SPATA4: variants seen among roughly 807,000 people sequenced by gnomAD.
SPATA4 encodes spermatogenesis-associated protein 4.
In SPATA4, 35 loss-of-function variants were observed where a neutral mutation model predicts 31.8. The observed-to-expected ratio is 1.10, with a 90% CI of 0.84 to 1.46. The LOEUF (loss-of-function observed/expected upper bound fraction) is 1.46. Ranked by LOEUF, SPATA4 falls within the 40% of genes most tolerant of loss-of-function variation. The pLI is 0.00. For synonymous variants in SPATA4, 126 were observed against 132.4 expected, an observed-to-expected ratio of 0.95 and a Z score of 0.33; for missense variants, 394 against 363.1, an observed-to-expected ratio of 1.09 and a Z score of -0.69.
At position 176,192,860 on chromosome 4, in the gene SPATA4, A is replaced by G; in HGVS notation, c.468-13T>C. ...GATACTTTTAATTCTGGAAATAAAAAATAAAATACTGTTGACAAGCAACAT... is the reference window on the plus strand; with the variant it reads ...GATACTTTTAATTCTGGAAATAAAAGATAAAATACTGTTGACAAGCAACAT... On this transcript the variant is annotated splice_polypyrimidine_tract_variant and intron_variant, in intron 3 of 5. Coordinates refer to ENST00000280191, the MANE Select transcript of SPATA4 (RefSeq NM_144644.4). The G allele has an allele frequency of 1.2e-6, 2 of 1,607,358 alleles. No homozygotes were observed.
chr4:176,194,375 C>T (rs1561241162), intron 1 of SPATA4: 2 of 85,734 alleles, frequency 2.3e-5, no homozygotes, highest in Admixed American at 1.2e-4. Context: ...AACTTTCAGC[C>T]ACAGTGTGTG....
In SPATA4 at chr4:176,195,532, A is replaced by G. The variant is rs773282697; in HGVS notation, c.31T>C (p.Leu11=). 4.0e-5 allele frequency: 64 copies of G among 1,614,092 alleles called. 1 individual carries two copies. The South Asian group carries it at 6.7e-4, about 17-fold the overall frequency. The change falls in exon 1 of 6, where the codon TTG becomes CTG. Residue 11 remains leucine, a synonymous_variant. Coordinates refer to ENST00000280191, the MANE Select transcript of SPATA4 (RefSeq NM_144644.4). ...TCTAGGGCTGCCGCAGTCTGTGTCA[A>G]ATACCCTTTTTCCTGGCCGGCGGCA... The part of the protein sequence containing the change: MAAAGQEKGY[L]TQTAAALDKS...
intron 4 of SPATA4, among the ~76,000 whole-genome samples, chr4:176,191,297 T>C (rs1056118355): frequency 1.3e-5 from 2 of 152,138 alleles, no homozygotes; most frequent in African/African-American, 2.4e-5. Flanking sequence ...GATTTCACCA[T>C]GTTGGTCAGG....
In SPATA4 at chr4:176,192,786, G is replaced by A. The variant is rs768255483; in HGVS notation, c.529C>T (p.Pro177Ser). ...GAAACTGTAGACCTGGAAACCAGGG[G>A]TAAACGCATCTGGTAGCTATAGTCC... ...FTDYSYQMRL[P>S]LVSRSTVSKS... The change falls in exon 4 of 6, where the codon CCC (proline) becomes TCC (serine). Residue 177 changes from proline (P) to serine (S), a missense_variant. Pro to Ser is a moderately conservative substitution (Grantham distance 74, BLOSUM62 -1). Coordinates refer to ENST00000280191, the MANE Select transcript of SPATA4 (RefSeq NM_144644.4). The A allele has an allele frequency of 5.6e-6, 9 of 1,614,000 alleles. No homozygotes were observed. The highest frequency in any genetic ancestry group is 4.5e-5 in the East Asian group (2 of 44,890).
chr4:176,187,805 T>C (rs1262267357), intron 5 of SPATA4, among the ~76,000 whole-genome samples: 1 of 152,200 alleles, frequency 6.6e-6, no homozygotes, highest in Non-Finnish European at 1.5e-5. Flanking sequence ...CAGGACTGAC[T>C]GACTCATCCT....
rs576199088 is a variant in SPATA4, at chr4:176,193,513, T to G, written c.288A>C (p.Ser96=). 8.7e-6 allele frequency: 14 copies of G among 1,613,804 alleles called. No individual in the cohort carries two copies. The African/African-American group carries it at 1.7e-4, about 20-fold the overall frequency. Residue 96 remains serine (S), a synonymous_variant, in exon 2 of 6, where the codon TCA becomes TCC. Coordinates refer to ENST00000280191, the MANE Select transcript of SPATA4 (RefSeq NM_144644.4). Reference sequence around the variant, plus strand: ...TTAAAGAGGTCCCGTTTTCAAAGGATGATAATTCAAGTTCCCAGGGGTAAT... The same window carrying G: ...TTAAAGAGGTCCCGTTTTCAAAGGAGGATAATTCAAGTTCCCAGGGGTAAT... The part of the protein sequence containing the change: ...CIYYPWELEL[S]SFENGTSLKV...
At chr4:176,191,383 C>T (rs1011424122) in intron 4 of SPATA4, among the ~76,000 whole-genome samples, 10 of 152,090 alleles carry the variant, frequency 6.6e-5, no homozygotes, top group African/African-American at 2.2e-4. Flanking sequence ...CGTGAGCCAC[C>T]GCACCCGGCC....
chr4:176,188,929 C>G (rs570187093), intron 4 of SPATA4, among the ~76,000 whole-genome samples: 2 of 152,260 alleles, frequency 1.3e-5, no homozygotes, highest in East Asian at 1.9e-4. Flanking sequence ...ACAACTCTGG[C>G]CAGTAACACT....
chr4:176,192,566 T>G, intron 4 of SPATA4, 61 bp downstream of exon 4: 1 of 1,412,622 alleles, frequency 7.1e-7, no homozygotes, highest in South Asian at 1.2e-5. Flanking sequence ...TTCTTTCATC[T>G]GTGCTCAAGA....
Position 176,195,376 on chromosome 4 carries a change from C to A in SPATA4, c.187G>T (p.Asp63Tyr). Residue 63 changes from aspartate (D) to tyrosine (Y), a missense_variant, in exon 1 of 6, where the codon GAT becomes TAT. Coordinates refer to ENST00000280191, the MANE Select transcript of SPATA4 (RefSeq NM_144644.4). Reference protein sequence around the residue: ...RSVLRWLQGLDLSFFPRNINR... With the variant: ...RSVLRWLQGLYLSFFPRNINR... ...ATGTTCCTGGGGAAGAAGCTGAGAT[C>A]CAGACCCTGAAGCCAACGCAGAACG... The A allele has an allele frequency of 6.2e-7, 1 of 1,614,122 alleles. No homozygotes were observed. The highest frequency in any genetic ancestry group is 1.1e-5 in the South Asian group (1 of 91,080).
At position 176,193,069 on chromosome 4, in the gene SPATA4, G is replaced by T. The variant is rs150404433; in HGVS notation, c.356C>A (p.Ala119Glu). 2 of 1,571,816 alleles carry T rather than the reference G, an allele frequency of 1.3e-6. No individual in the cohort carries two copies. The highest frequency in any genetic ancestry group is 2.2e-5 in the East Asian group (1 of 44,490). ...TTTAGGTAATTTAAATTTTTTTCTT[G>T]CCAGGAACTTTAATAGTAGAAAGAA... ...DNWAQLEKFLARKKFKLPKEL... is the reference protein window; with the variant it reads ...DNWAQLEKFLERKKFKLPKEL... Residue 119 changes from alanine to glutamate, a missense_variant, in exon 3 of 6, where the codon GCA (alanine) becomes GAA (glutamate). By Grantham distance (107) the Ala-to-Glu change is moderately radical. Transcript: ENST00000280191.
At position 176,193,469 on chromosome 4, in the gene SPATA4, C is replaced by T; in HGVS notation, c.332G>A (p.Trp111Ter). ...CTAACGTACCTTCTCCAACTGTGCC[C>T]AGTTATCCAACTTGACTTTTAAAGA... The part of the protein sequence containing the change: ...GTSLKVKLDN[W>*]AQLEKFLARK... The change falls in exon 2 of 6, where the codon TGG becomes TAG. Residue 111 changes from tryptophan to a stop codon, truncating the protein, a stop_gained. Transcript: ENST00000280191. LOFTEE classifies it high-confidence loss of function. 6.2e-7 allele frequency: 1 copy of T among 1,610,572 alleles called. No individual in the cohort carries two copies. The highest frequency in any genetic ancestry group is 8.5e-7 in the Non-Finnish European group (1 of 1,177,016).
chr4:176,195,338 C>T lies in SPATA4; in HGVS notation c.218+7G>A. 6 of 1,614,080 alleles carry T rather than the reference C, an allele frequency of 3.7e-6. No individual in the cohort carries two copies. The highest frequency in any genetic ancestry group is 5.1e-6 in the Non-Finnish European group (6 of 1,180,026). ...CGGGGGGGCCTAGGACTGGCTTACT[C>T]AAGCACCTGTTGATGTTCCTGGGGA... On this transcript the variant is annotated splice_region_variant and intron_variant, in intron 1 of 5. Coordinates refer to ENST00000280191, the MANE Select transcript of SPATA4 (RefSeq NM_144644.4).
At chr4:176,186,849 AAAG>A (rs1311740631) in intron 5 of SPATA4, among the ~76,000 whole-genome samples, 2 of 152,142 alleles carry the variant, frequency 1.3e-5, no homozygotes, top group Admixed American at 6.5e-5. Flanking sequence ...TTTTTTAAAA[AAAG>A]GAACATTGGC....
rs765617518 is a variant in SPATA4 at position 176,192,837 on chromosome 4, T to C, written c.478A>G (p.Ile160Val). Residue 160 changes from isoleucine (I) to valine (V), a missense_variant, in exon 4 of 6, where the codon ATC becomes GTC. Physicochemically the swap from Ile to Val is conservative, Grantham distance 29 (BLOSUM62 3). Transcript: ENST00000280191. ...GTGAAATTCACAAAGTCATCCTGGA[T>C]ACTTTTAATTCTGGAAATAAAAAAT... ...TLLTHREIKS[I>V]QDDFVNFTDY... 6.2e-7 allele frequency: 1 copy of C among 1,612,704 alleles called. No homozygotes were observed. The highest frequency in any genetic ancestry group is 8.5e-7 in the Non-Finnish European group (1 of 1,179,462).
chr4:176,195,249 T>C, intron 1 of SPATA4, 96 bp downstream of exon 1: 1 of 1,221,370 alleles, frequency 8.2e-7, no homozygotes, highest in Non-Finnish European at 1.2e-6. Flanking sequence ...ATTTGAAACA[T>C]AAGCCAGGCC....
intron 5 of SPATA4, among the ~76,000 whole-genome samples, chr4:176,187,431 C>T (rs980626692): frequency 6.6e-6 from 1 of 151,806 alleles, no homozygotes; most frequent in Non-Finnish European, 1.5e-5. Context: ...ACGGTGAAAC[C>T]CCATCTCTAC....
At chr4:176,190,253 G>A (rs969106916) in intron 4 of SPATA4, among the ~76,000 whole-genome samples, 3 of 152,104 alleles carry the variant, frequency 2.0e-5, no homozygotes, top group African/African-American at 4.8e-5. Flanking sequence ...CGATAGGGGG[G>A]TGGTCTCCTC....
chr4:176,193,683 C>T, intron 1 of SPATA4, 101 bp from the exon 2 acceptor site: 1 of 1,220,336 alleles, frequency 8.2e-7, no homozygotes, highest in Non-Finnish European at 1.1e-6. Context: ...CTAAAAGTAT[C>T]TTGTAAAGTG....
Sources: gnomAD v4.1 joint callset for allele counts (sites outside exome capture counted in the v4.1 genomes callset) on GRCh38, gnomAD v4.1.1 for gene constraint, MANE v1.5 for transcripts, NCBI Gene and HGNC (gene_info 2026-07-23, HGNC 2026-07-21) for gene names.